Variants in ATP2B2 observed in about 807,000 individuals in gnomAD.
ATP2B2 encodes the protein plasma membrane calcium-transporting ATPase 2.
A neutral mutation model predicts 120.0 loss-of-function variants in ATP2B2; 15 were observed. That is an observed-to-expected ratio of 0.12 (90% CI 0.08 to 0.19). The LOEUF (loss-of-function observed/expected upper bound fraction) is 0.19, where lower values mean the gene tolerates loss of function less well. Among genes scored for constraint, ATP2B2 ranks in the 10% least tolerant of loss-of-function variants. ATP2B2 has a pLI of 1.00. For missense variants in ATP2B2, 1,045 were observed against 1,719.8 expected (o/e 0.61, Z 6.94); for synonymous variants, 694 against 700.3 (o/e 0.99, Z 0.14).
upstream of ATP2B2, among the ~76,000 whole-genome samples, chr3:10,507,893 G>A (rs903782675): frequency 3.8e-4 from 58 of 152,202 alleles, no homozygotes; most frequent in South Asian, 1.0e-3. Context: ...AACTTGTGAC[G>A]GAGGCCTCTG....
chr3:10,479,036 G>A (rs2065305042), intron 1 of ATP2B2, among the ~76,000 whole-genome samples: 1 of 152,118 alleles, frequency 6.6e-6, no homozygotes, highest in East Asian at 1.9e-4. Flanking sequence ...CACCCTGATT[G>A]TAAGTTTCCT....
intron 1 of ATP2B2, among the ~76,000 whole-genome samples, chr3:10,464,236 C>T (rs900479511): frequency 3.9e-5 from 6 of 152,254 alleles, no homozygotes; most frequent in African/African-American, 1.2e-4. Context: ...CCAGCGCAGC[C>T]GAGTCCTCGC....
chr3:10,698,573 A>G (rs1313760863), intron 1 of ATP2B2, among the ~76,000 whole-genome samples: 1 of 152,220 alleles, frequency 6.6e-6, no homozygotes, highest in African/African-American at 2.4e-5. Flanking sequence ...GACCCTGACC[A>G]GCTCTGCCTT....
At chr3:10,668,270 G>T (rs575220052) in intron 1 of ATP2B2, among the ~76,000 whole-genome samples, 5 of 152,352 alleles carry the variant, frequency 3.3e-5, no homozygotes, top group South Asian at 2.1e-4. Flanking sequence ...TCGGGTAAAG[G>T]TTCAGAGAGG....
chr3:10,595,306 G>A (rs1419096950), intron 2 of ATP2B2, among the ~76,000 whole-genome samples: 2 of 152,198 alleles, frequency 1.3e-5, no homozygotes, highest in African/African-American at 2.4e-5. Context: ...CATGAAGCGG[G>A]GTGTTAGTCT....
intron 1 of ATP2B2, among the ~76,000 whole-genome samples, chr3:10,689,100 C>T (rs2071594140): frequency 1.3e-5 from 2 of 152,162 alleles, no homozygotes; most frequent in Non-Finnish European, 2.9e-5. Flanking sequence ...CGTGTTAGCA[C>T]CATTCAGCTA....
In ATP2B2 at chr3:10,621,852, C is replaced by T. The variant is rs377275907; in HGVS notation, c.-459-1891G>A. ...CACAGCACAGAAGTAACCACGTCAA[C>T]ATGACGATAAGAACAACTAGCATCG... On this transcript the variant is annotated intron_variant, in intron 1 of 21. Coordinates refer to the ATP2B2 transcript ENST00000646379. Among the ~76,000 whole-genome samples, 72 of 152,352 alleles carry T rather than the reference C, an allele frequency of 4.7e-4. 1 individual carries two copies. The South Asian group carries it at 0.012, about 25-fold the overall frequency.
At chr3:10,576,730 G>C (rs1487213917) in intron 2 of ATP2B2, among the ~76,000 whole-genome samples, 7 of 152,082 alleles carry the variant, frequency 4.6e-5, no homozygotes, top group African/African-American at 1.7e-4. Context: ...TGGAGGGAAT[G>C]ACGAGCTTGG....
At chr3:10,382,661 G>T (rs1289889537) in intron 8 of ATP2B2, among the ~76,000 whole-genome samples, 5 of 151,954 alleles carry the variant, frequency 3.3e-5, no homozygotes, top group African/African-American at 1.2e-4. Flanking sequence ...CCGGCCTCAT[G>T]ATGTATAATT....
At chr3:10,569,151 T>G (rs2068071038) in intron 2 of ATP2B2, among the ~76,000 whole-genome samples, 1 of 152,174 alleles carries the variant, frequency 6.6e-6, no homozygotes, top group African/African-American at 2.4e-5. Flanking sequence ...CGTCAAGTCC[T>G]TATGTGGCCC....
At chr3:10,391,576 G>T (rs1434225512) in intron 5 of ATP2B2, among the ~76,000 whole-genome samples, 2 of 152,228 alleles carry the variant, frequency 1.3e-5, no homozygotes, top group African/African-American at 4.8e-5. Flanking sequence ...TCCGGAGGCA[G>T]GGAGGTGGCA....
upstream of ATP2B2, among the ~76,000 whole-genome samples, chr3:10,508,127 C>T (rs138478421): frequency 0.015 from 2,338 of 152,274 alleles, 38 homozygotes; most frequent in Admixed American, 0.033. Flanking sequence ...GGCCGAGTTC[C>T]CATCTCCTTG....
chr3:10,584,726 C>T (rs2068467889), intron 2 of ATP2B2, among the ~76,000 whole-genome samples: 1 of 152,160 alleles, frequency 6.6e-6, no homozygotes, highest in South Asian at 2.1e-4. Context: ...ACCTAACTTC[C>T]CACTCCACCA....
chr3:10,650,606 T>C (rs9827889), intron 1 of ATP2B2, among the ~76,000 whole-genome samples: 46,694 of 152,150 alleles, frequency 0.31, 10,705 homozygotes, highest in African/African-American at 0.64. Flanking sequence ...GGAAAATATC[T>C]CCAGGACATG....
intron 2 of ATP2B2, among the ~76,000 whole-genome samples, chr3:10,412,101 C>G (rs2062630370): frequency 6.6e-6 from 1 of 152,264 alleles, no homozygotes; most frequent in African/African-American, 2.4e-5. Context: ...GTGGCTTCCA[C>G]CCAGCAGAGC....
chr3:10,408,041 T>G (rs1462878366), intron 3 of ATP2B2, among the ~76,000 whole-genome samples: 1 of 152,130 alleles, frequency 6.6e-6, no homozygotes, highest in Non-Finnish European at 1.5e-5. Flanking sequence ...AGAAATTGGG[T>G]GCATTTCATG....
chr3:10,606,955 AG>A (rs1483866528), intron 2 of ATP2B2, among the ~76,000 whole-genome samples: 53 of 59,662 alleles, frequency 8.9e-4, no homozygotes, highest in African/African-American at 5.3e-3. Context: ...GGAGAGGGGG[AG>A]GGGGGGAGAG....
chr3:10,616,681 T>C (rs1244373045), intron 2 of ATP2B2, among the ~76,000 whole-genome samples: 4 of 95,968 alleles, frequency 4.2e-5, no homozygotes, highest in African/African-American at 1.6e-4. Flanking sequence ...ACTAGCAAAA[T>C]GCACACACAC....
chr3:10,664,298 T>A (rs977458459), intron 1 of ATP2B2, among the ~76,000 whole-genome samples: 70 of 152,222 alleles, frequency 4.6e-4, no homozygotes, highest in African/African-American at 1.6e-3. Context: ...CACACTAAAG[T>A]GGTCAGCGGC....
Sources: allele counts gnomAD v4.1 joint callset (sites outside exome capture counted in the v4.1 genomes callset), GRCh38; gene constraint gnomAD v4.1.1; transcripts MANE v1.5; gene names NCBI Gene and HGNC (gene_info 2026-07-23, HGNC 2026-07-21).